The following DERA variants were observed in gnomAD, a reference collection of about 807,000 sequenced individuals.
DERA encodes 2-deoxy-D-ribose 5-phosphate aldolase.
DERA carries 15 observed loss-of-function variants against 41.1 expected under a neutral mutation model. That is an observed-to-expected ratio of 0.37 (90% CI 0.24 to 0.56). The LOEUF (loss-of-function observed/expected upper bound fraction) is 0.56. Ranked by LOEUF, DERA falls within the 20% of genes least tolerant of loss-of-function variation. The probability of loss-of-function intolerance (pLI) is 0.81; values close to 1 mark genes in which losing one functional copy is unlikely to be tolerated. For missense variants in DERA, 396 were observed against 403.4 expected (o/e 0.98, Z 0.16); for synonymous variants, 139 against 137.4 (o/e 1.01, Z -0.08).
intron 1 of DERA, among the ~76,000 whole-genome samples, chr12:15,948,822 T>C (rs1003451954): frequency 1.1e-4 from 16 of 152,160 alleles, no homozygotes; most frequent in Admixed American, 2.6e-4. Context: ...TCCCCCATCT[T>C]TGTGGTTTCA....
chr12:15,921,783 G>A lies in DERA; in HGVS notation c.31+10369G>A, dbSNP rs1017262588. On this transcript the variant is annotated intron_variant, in intron 1 of 8. Coordinates refer to ENST00000428559, the MANE Select transcript of DERA (RefSeq NM_015954.4). The surrounding 1 kb of genome is among the most constrained non-coding windows in gnomAD (Gnocchi z 5.3). ...CTAGAAATACATAAAAAAATTAACC[G>A]GGCTTGGTGGCGAGCGCCTGTAATC... is the stretch of plus-strand genomic sequence containing the variant. Among the ~76,000 whole-genome samples, 2 of 151,828 alleles carry A rather than the reference G, an allele frequency of 1.3e-5. No homozygotes were observed. Among genetic ancestry groups the A allele is most frequent in the African/African-American group, 4.8e-5 (2 of 41,330 alleles).
Position 15,970,670 on chromosome 12 carries a change from G to A in DERA, c.508+7723G>A, listed in dbSNP as rs887257002. Among the ~76,000 whole-genome samples, 2 of 151,666 alleles carry A rather than the reference G, an allele frequency of 1.3e-5. No homozygotes were observed. Among genetic ancestry groups the A allele is most frequent in the African/African-American group, 2.4e-5 (1 of 41,238 alleles). On this transcript the variant is annotated intron_variant, in intron 5 of 8. Coordinates refer to ENST00000428559, the MANE Select transcript of DERA (RefSeq NM_015954.4). This position sits in a 1 kb window ranked among gnomAD's most constrained non-coding sequence, Gnocchi z 4.3. ...AAAAAAGAAAACTGAAAAAAAACAGGTACACCCACATTTCCAACTCCATCT... is the reference window on the plus strand; with the variant it reads ...AAAAAAGAAAACTGAAAAAAAACAGATACACCCACATTTCCAACTCCATCT...
intron 5 of DERA, among the ~76,000 whole-genome samples, chr12:15,969,632 G>A (rs1408947263): frequency 6.6e-6 from 1 of 152,080 alleles, no homozygotes; most frequent in Non-Finnish European, 1.5e-5. Flanking sequence ...AACATTTTAG[G>A]ATAAGAGAAT....
chr12:15,989,371 A>C lies in DERA; in HGVS notation c.637+6935A>C, dbSNP rs998963034. Among the ~76,000 whole-genome samples the C allele has an allele frequency of 6.6e-6, 1 of 152,168 alleles. No homozygotes were observed. Among genetic ancestry groups the C allele is most frequent in the African/African-American group, 2.4e-5 (1 of 41,440 alleles). On this transcript the variant is annotated intron_variant, in intron 6 of 8. Coordinates refer to ENST00000428559, the MANE Select transcript of DERA (RefSeq NM_015954.4). The surrounding 1 kb of genome is among the most constrained non-coding windows in gnomAD (Gnocchi z 5.2). Reference sequence around the variant, plus strand: ...TCCAGTGAAATGTATGCTGCTGTACATTTTTAGTTTAGAATTTCCATTTGA... The same window carrying C: ...TCCAGTGAAATGTATGCTGCTGTACCTTTTTAGTTTAGAATTTCCATTTGA...
rs1410875437 is a variant in DERA, at chr12:15,967,609, A to G, written c.508+4662A>G. Among the ~76,000 whole-genome samples, 4 of 152,212 alleles carry G rather than the reference A, an allele frequency of 2.6e-5. No individual in the cohort carries two copies. The highest frequency in any genetic ancestry group is 2.6e-4 in the Admixed American group (4 of 15,286). ...TGGAATCTCTGAGATGATTGGCCTCATAGCTCACAGTCCAGACTCTTGTGC... is the reference window on the plus strand; with the variant it reads ...TGGAATCTCTGAGATGATTGGCCTCGTAGCTCACAGTCCAGACTCTTGTGC... On this transcript the variant is annotated intron_variant, in intron 5 of 8. Transcript: ENST00000428559. This position sits in a 1 kb window ranked among gnomAD's most constrained non-coding sequence, Gnocchi z 4.9.
At chr12:15,925,507 C>A (rs1948275624) in intron 1 of DERA, among the ~76,000 whole-genome samples, 2 of 152,066 alleles carry the variant, frequency 1.3e-5, no homozygotes, top group South Asian at 4.1e-4. Flanking sequence ...ATGTTTAAAA[C>A]TTGAACCATC....
rs1293830829 is a variant in DERA at position 15,996,467 on chromosome 12, T to C, written c.637+14031T>C. ...CAGCAATGCTTGACATACCTTGGCT[T>C]CACTCCAGTCTCTGCCTCTGTCACT... On this transcript the variant is annotated intron_variant, in intron 6 of 8. Coordinates refer to ENST00000428559, the MANE Select transcript of DERA (RefSeq NM_015954.4). The surrounding 1 kb of genome is among the most constrained non-coding windows in gnomAD (Gnocchi z 4.7). Among the ~76,000 whole-genome samples the C allele has an allele frequency of 6.6e-6, 1 of 152,136 alleles. No homozygotes were observed. The highest frequency in any genetic ancestry group is 2.4e-5 in the African/African-American group (1 of 41,416).
chr12:15,988,651 G>T lies in DERA; in HGVS notation c.637+6215G>T, dbSNP rs1565606494. 6.6e-6 allele frequency among the ~76,000 whole-genome samples: 1 copy of T among 152,136 alleles called. No homozygotes were observed. The highest frequency in any genetic ancestry group is 2.4e-5 in the African/African-American group (1 of 41,446). ...GTCATCAATGAAGTTCTCACTCCAG[G>T]CTGTGGCCTTCACTCAGACCTGGCA... On this transcript the variant is annotated intron_variant, in intron 6 of 8. Coordinates refer to ENST00000428559, the MANE Select transcript of DERA (RefSeq NM_015954.4). The surrounding 1 kb of genome is among the most constrained non-coding windows in gnomAD (Gnocchi z 6.0).
chr12:16,036,144 A>C lies in DERA; in HGVS notation c.751-88A>C. On this transcript the variant is annotated intron_variant, in intron 7 of 8. Coordinates refer to ENST00000428559, the MANE Select transcript of DERA (RefSeq NM_015954.4). This position sits in a 1 kb window ranked among gnomAD's most constrained non-coding sequence, Gnocchi z 4.9. ...TTTTTTCAACAAAAGAGGGAGAGAG[A>C]GAATCAAGACTCTGATAAACATAGT... The C allele has an allele frequency of 8.4e-7, 1 of 1,193,904 alleles. No individual in the cohort carries two copies. The highest frequency in any genetic ancestry group is 1.1e-6 in the Non-Finnish European group (1 of 919,196). 74.0% of individuals were successfully genotyped at this position (1,193,904 alleles called of 1,614,324 possible).
At chr12:16,027,112 G>A (rs1208768665) in intron 6 of DERA, among the ~76,000 whole-genome samples, 7 of 152,020 alleles carry the variant, frequency 4.6e-5, no homozygotes, top group Admixed American at 1.3e-4. Flanking sequence ...AGAAAGCCTC[G>A]GCAAACTAGA....
intron 5 of DERA, among the ~76,000 whole-genome samples, chr12:15,969,732 C>T (rs1285837262): frequency 6.6e-6 from 1 of 152,126 alleles, no homozygotes; most frequent in African/African-American, 2.4e-5. Context: ...ATCTATTTTT[C>T]TTATTTGCTG....
chr12:15,962,671 T>TGACAC (rs1948595845), intron 4 of DERA, 142 bp from the exon 5 acceptor site: 1 of 633,528 alleles, frequency 1.6e-6, no homozygotes, highest in Admixed American at 3.1e-5. Flanking sequence ...TGCATTGGTC[T>TGACAC]TTAAATGCTG....
At chr12:15,926,023 A>G (rs192144148) in intron 1 of DERA, among the ~76,000 whole-genome samples, 7 of 151,186 alleles carry the variant, frequency 4.6e-5, no homozygotes, top group Non-Finnish European at 8.9e-5. Flanking sequence ...GGGTTTCACT[A>G]TGTTGGCCAG....
chr12:16,034,698 C>T (rs2948), intron 7 of DERA, among the ~76,000 whole-genome samples: 118,570 of 151,790 alleles, frequency 0.78, 48,758 homozygotes, highest in Non-Finnish European at 0.9. Flanking sequence ...TCCTGAGAAG[C>T]AGAGGTTTAA....
Position 16,036,979 on chromosome 12 carries a change from T to C in DERA, c.*233T>C, listed in dbSNP as rs776439912. 2 of 448,488 alleles carry C rather than the reference T, an allele frequency of 4.5e-6. No homozygotes were observed. The highest frequency in any genetic ancestry group is 8.8e-5 in the East Asian group (2 of 22,656). 27.8% of individuals were successfully genotyped at this position (448,488 alleles called of 1,614,324 possible). A position where few individuals can be genotyped will look rare whatever the true frequency, so the allele number is the denominator to read the frequency against. ...ACTAGAAGATCTGCACTATTAACTT[T>C]GTGAAGAGTTTCTCCTAAAAACTTT... On this transcript the variant is annotated 3_prime_UTR_variant, in exon 9 of 9. Transcript: ENST00000428559. This position sits in a 1 kb window ranked among gnomAD's most constrained non-coding sequence, Gnocchi z 4.9.
intron 5 of DERA, among the ~76,000 whole-genome samples, chr12:15,969,388 A>G (rs1948644988): frequency 6.6e-6 from 1 of 152,192 alleles, no homozygotes. Context: ...GAGGACCTGG[A>G]GCTGGCTTTA....
rs983081842 is a variant in DERA, at chr12:16,020,006, G to A, written c.638-12536G>A. On this transcript the variant is annotated intron_variant, in intron 6 of 8. Coordinates refer to ENST00000428559, the MANE Select transcript of DERA (RefSeq NM_015954.4). This position sits in a 1 kb window ranked among gnomAD's most constrained non-coding sequence, Gnocchi z 5.5. ...TTTTAAAAGAGCATGGCACCTCCCC[G>A]CATCTCACTCCCACTCTCGCCATCT... Among the ~76,000 whole-genome samples, 3 of 152,132 alleles carry A rather than the reference G, an allele frequency of 2.0e-5. No homozygotes were observed. The highest frequency in any genetic ancestry group is 1.9e-4 in the East Asian group (1 of 5,158).
chr12:16,012,885 TG>T lies in DERA; in HGVS notation c.638-19656del. Among the ~76,000 whole-genome samples, 2 of 152,342 alleles carry T rather than the reference TG, an allele frequency of 1.3e-5. No homozygotes were observed. The highest frequency in any genetic ancestry group is 4.1e-4 in the South Asian group (2 of 4,830). On this transcript the variant is annotated intron_variant, in intron 6 of 8. Transcript: ENST00000428559. This position sits in a 1 kb window ranked among gnomAD's most constrained non-coding sequence, Gnocchi z 4.1. ...ATAAATCTGCAATATATCATTTTAA[TG>T]TGTAGTGAATATAAAAATTATTGAG...
chr12:15,991,852 TTCTG>T (rs1185216488), intron 6 of DERA, among the ~76,000 whole-genome samples: 20 of 152,190 alleles, frequency 1.3e-4, no homozygotes, highest in African/African-American at 4.8e-4. Flanking sequence ...TTCCAGGTAC[TTCTG>T]TCTTTGTTTT....
Sources: allele counts gnomAD v4.1 joint callset (sites outside exome capture counted in the v4.1 genomes callset), GRCh38; gene constraint gnomAD v4.1.1; non-coding constraint Gnocchi (gnomAD v3.1); transcripts MANE v1.5; gene names NCBI Gene and HGNC (gene_info 2026-07-23, HGNC 2026-07-21).